The following TMEM39B variants were observed in gnomAD, a reference collection of about 807,000 sequenced individuals.
TMEM39B encodes the protein transmembrane protein 39B.
A neutral mutation model predicts 52.2 loss-of-function variants in TMEM39B; 23 were observed. The observed-to-expected ratio is 0.44, with a 90% CI of 0.32 to 0.62. The LOEUF (loss-of-function observed/expected upper bound fraction) is 0.62. Ranked by LOEUF, TMEM39B falls within the 20% of genes least tolerant of loss-of-function variation. The probability of loss-of-function intolerance (pLI) is 0.06; values close to 1 mark genes in which losing one functional copy is unlikely to be tolerated. For synonymous variants in TMEM39B, 285 were observed against 264.0 expected (o/e 1.08, Z -0.77); for missense variants, 547 against 642.0 (o/e 0.85, Z 1.60).
In TMEM39B at chr1:32,102,415, A is replaced by G; in HGVS notation, c.1237-16A>G. The G allele has an allele frequency of 6.2e-7, 1 of 1,609,762 alleles. No individual in the cohort carries two copies. The highest frequency in any genetic ancestry group is 1.1e-5 in the South Asian group (1 of 90,716). On this transcript the variant is annotated splice_polypyrimidine_tract_variant and intron_variant, in intron 8 of 8. Transcript: ENST00000336294. ...TGGAGCACACCTTTTAGCCATGCCCACCCGCTTCCGGGCAGTTCTTTTTCA... is the reference window on the plus strand; with the variant it reads ...TGGAGCACACCTTTTAGCCATGCCCGCCCGCTTCCGGGCAGTTCTTTTTCA...
intron 7 of TMEM39B, among the ~76,000 whole-genome samples, chr1:32,097,981 G>A (rs1640875518): frequency 6.6e-6 from 1 of 151,868 alleles, no homozygotes; most frequent in Non-Finnish European, 1.5e-5. Context: ...TTCATGTTAT[G>A]AGTCGCACAA....
At position 32,094,950 on chromosome 1, in the gene TMEM39B, G is replaced by A. The variant is rs774522779; in HGVS notation, c.1094G>A (p.Cys365Tyr). Reference protein sequence around the residue: ...GCWQKVDPALCSNVLQHPWTE... With the variant: ...GCWQKVDPALYSNVLQHPWTE... The stretch of plus-strand genomic sequence containing the variant: ...TGGCAGAAGGTGGACCCAGCGCTGT[G>A]CTCCAACGTGCTGCAGCACCCGTGA... The change falls in exon 7 of 9, where the codon TGC (cysteine) becomes TAC (tyrosine). Residue 365 changes from cysteine (C) to tyrosine (Y), a missense_variant. Cys to Tyr is a radical substitution (Grantham distance 194). Coordinates refer to ENST00000336294, the MANE Select transcript of TMEM39B (RefSeq NM_018056.4). 2.5e-6 allele frequency: 4 copies of A among 1,613,424 alleles called. No individual in the cohort carries two copies. In the South Asian group the frequency reaches 4.4e-5, roughly 18 times the overall value.
chr1:32,077,023 G>A, intron 4 of TMEM39B, 141 bp from the exon 5 acceptor site: 1 of 1,328,584 alleles, frequency 7.5e-7, no homozygotes, highest in Non-Finnish European at 1.1e-6. Flanking sequence ...CAAAGAGAAG[G>A]ATTTACCTTG....
rs552235464 is a variant in TMEM39B at position 32,080,458 on chromosome 1, G to A, written c.590+3140G>A. 7.3e-5 allele frequency among the ~76,000 whole-genome samples: 11 copies of A among 151,698 alleles called. No individual in the cohort carries two copies. The South Asian group carries it at 2.3e-3, about 32-fold the overall frequency. Reference sequence around the variant, plus strand: ...AGGCGGGTGGATCACGAGGTCAGGAGATTGAGACCATCCTGGCTAACACAG... The same window carrying A: ...AGGCGGGTGGATCACGAGGTCAGGAAATTGAGACCATCCTGGCTAACACAG... On this transcript the variant is annotated intron_variant, in intron 5 of 8. Transcript: ENST00000336294.
At position 32,091,610 on chromosome 1, in the gene TMEM39B, A is replaced by G. The variant is rs1029554685; in HGVS notation, c.591-65A>G. On this transcript the variant is annotated intron_variant, in intron 5 of 8. Coordinates refer to ENST00000336294, the MANE Select transcript of TMEM39B (RefSeq NM_018056.4). ...CCCAGGAAGGAAAGAAGATCCCCTC[A>G]GTGGCTGAGAGTTGGGATCCTGGCC... is the stretch of plus-strand genomic sequence containing the variant. The G allele has an allele frequency of 6.6e-6, 10 of 1,514,024 alleles. No homozygotes were observed. The African/African-American group carries it at 1.4e-4, about 21-fold the overall frequency. The allele number at this position is 1,514,024 out of a possible 1,614,324, so 93.8% of individuals were successfully genotyped here.
chr1:32,076,886 C>T, intron 4 of TMEM39B, 40 bp downstream of exon 4: 1 of 1,600,030 alleles, frequency 6.2e-7, no homozygotes, highest in Non-Finnish European at 8.6e-7. Flanking sequence ...CTTTGGGATT[C>T]CCCTTTTCCC....
At chr1:32,101,632 G>T (rs1247455587) in intron 8 of TMEM39B, among the ~76,000 whole-genome samples, 1 of 152,126 alleles carries the variant, frequency 6.6e-6, no homozygotes, top group Non-Finnish European at 1.5e-5. Flanking sequence ...TCATTTCACA[G>T]TTGAGACATC....
intron 1 of TMEM39B, chr1:32,073,777 C>T (rs1397856157): frequency 1.0e-6 from 1 of 985,126 alleles, no homozygotes; most frequent in Admixed American, 6.2e-5. Context: ...TACATCCAAG[C>T]CCAAAATTGG....
At chr1:32,072,452 G>C (rs1258883725), upstream of TMEM39B, 1 of 152,498 alleles carries the variant, frequency 6.6e-6, no homozygotes, top group Non-Finnish European at 1.5e-5. Flanking sequence ...CAATGAGAAC[G>C]GTGAGTAACG....
Position 32,098,071 on chromosome 1 carries a change from A to G in TMEM39B, c.1116-2371A>G, listed in dbSNP as rs1246099020. ...GAGTGCAGTGCTGCGATCTTGGCTC[A>G]CTGCAACCTCCACCTTCCGGGTTCA... is the stretch of plus-strand genomic sequence containing the variant. On this transcript the variant is annotated intron_variant, in intron 7 of 8. Transcript: ENST00000336294. Among the ~76,000 whole-genome samples the G allele has an allele frequency of 2.6e-5, 4 of 151,798 alleles. No individual in the cohort carries two copies. The East Asian group carries it at 7.7e-4, about 29-fold the overall frequency.
At position 32,080,110 on chromosome 1, in the gene TMEM39B, G is replaced by A. The variant is rs575588374; in HGVS notation, c.590+2792G>A. ...TCACCGTGTTAGCCAGGATGGTCTC[G>A]ATCTCCTGACCTCGTGATCCGCCCA... On this transcript the variant is annotated intron_variant, in intron 5 of 8. Coordinates refer to ENST00000336294, the MANE Select transcript of TMEM39B (RefSeq NM_018056.4). Among the ~76,000 whole-genome samples the A allele has an allele frequency of 7.3e-5, 11 of 151,444 alleles. No homozygotes were observed. The East Asian group carries it at 1.6e-3, about 22-fold the overall frequency.
Position 32,083,525 on chromosome 1 carries a change from C to A in TMEM39B, c.590+6207C>A, listed in dbSNP as rs546562396. 3.6e-5 allele frequency among the ~76,000 whole-genome samples: 5 copies of A among 138,108 alleles called. No homozygotes were observed. In the South Asian group the frequency reaches 1.2e-3, roughly 32 times the overall value. The allele number at this position is 138,108 out of a possible 152,430, so 90.6% of individuals were successfully genotyped here. ...GCAACCTTCACTTCCCAGTTTCAAG[C>A]GATTTTCCTGCCTCAGCCTCCCGAG... On this transcript the variant is annotated intron_variant, in intron 5 of 8. Transcript: ENST00000336294.
chr1:32,084,074 T>C (rs1640234679), intron 5 of TMEM39B, among the ~76,000 whole-genome samples: 1 of 152,244 alleles, frequency 6.6e-6, no homozygotes, highest in African/African-American at 2.4e-5. Flanking sequence ...CTTAAAATCA[T>C]AGCACATTTT....
chr1:32,096,728 T>G (rs1311807045), intron 7 of TMEM39B, among the ~76,000 whole-genome samples: 2 of 152,136 alleles, frequency 1.3e-5, no homozygotes, highest in African/African-American at 2.4e-5. Flanking sequence ...CCCAAAGTGC[T>G]GGGGTTACAG....
intron 6 of TMEM39B, among the ~76,000 whole-genome samples, chr1:32,094,394 G>A (rs1244483589): frequency 6.6e-5 from 10 of 152,022 alleles, no homozygotes; most frequent in Non-Finnish European, 4.4e-5. Context: ...CAAAGTGCCG[G>A]GATTACAGGT....
At position 32,075,868 on chromosome 1, in the gene TMEM39B, GTGTGTGTA is replaced by G. The variant is rs1488732756; in HGVS notation, c.351+54_351+61del. The G allele has an allele frequency of 5.2e-5, 63 of 1,208,010 alleles. No homozygotes were observed. In the Middle Eastern group the frequency reaches 8.6e-4, roughly 17 times the overall value. 74.8% of individuals were successfully genotyped at this position (1,208,010 alleles called of 1,614,324 possible). ...TGTGTGTGTGTGTGTGTGTGTGCGTGTGTGTGTATGTGTGTGTGTGTTTCTTTTGGTTT... is the reference window on the plus strand; with the variant it reads ...TGTGTGTGTGTGTGTGTGTGTGCGTGTGTGTGTGTGTGTTTCTTTTGGTTT... On this transcript the variant is annotated intron_variant, in intron 3 of 8. Transcript: ENST00000336294.
chr1:32,094,603 A>G (rs539993987), intron 6 of TMEM39B, among the ~76,000 whole-genome samples, 181 bp from the exon 7 acceptor site: 116 of 152,300 alleles, frequency 7.6e-4, no homozygotes, highest in African/African-American at 2.7e-3. Context: ...TTCCTTGTAG[A>G]AAACCAACTA....
intron 5 of TMEM39B, among the ~76,000 whole-genome samples, chr1:32,091,364 C>T (rs1640594060): frequency 6.6e-6 from 1 of 152,214 alleles, no homozygotes; most frequent in African/African-American, 2.4e-5. Flanking sequence ...CCGAGCCCAG[C>T]GAATGTGGGC....
At chr1:32,099,970 C>T (rs558321107) in intron 7 of TMEM39B, among the ~76,000 whole-genome samples, 1 of 152,022 alleles carries the variant, frequency 6.6e-6, no homozygotes, top group Non-Finnish European at 1.5e-5. Context: ...TTGCTTGAAC[C>T]TGGGAGGCGG....
Sources: gnomAD v4.1 joint callset for allele counts (sites outside exome capture counted in the v4.1 genomes callset) on GRCh38, gnomAD v4.1.1 for gene constraint, MANE v1.5 for transcripts, NCBI Gene and HGNC (gene_info 2026-07-23, HGNC 2026-07-21) for gene names.